The following MAN2B2 variants were observed in gnomAD, a reference collection of about 807,000 sequenced individuals.
MAN2B2 encodes the protein epididymis-specific alpha-mannosidase.
MAN2B2 carries 106 observed loss-of-function variants against 117.1 expected under a neutral mutation model. The ratio of observed to expected loss-of-function variants is 0.90; its 90% confidence interval spans 0.77 to 1.06. The LOEUF is 1.06. MAN2B2 is among the 50% of genes least tolerant of loss of function. The probability of loss-of-function intolerance (pLI) is 0.00; values close to 1 mark genes in which losing one functional copy is unlikely to be tolerated. For synonymous variants in MAN2B2, 544 were observed against 595.1 expected (o/e 0.91, Z 1.25); for missense variants, 1,326 against 1,381.4 (o/e 0.96, Z 0.64).
intron 10 of MAN2B2, 74 bp from the exon 11 acceptor site, chr4:6,604,981 G>A: frequency 2.7e-6 from 4 of 1,507,104 alleles, no homozygotes; most frequent in Non-Finnish European, 3.6e-6. Flanking sequence ...TGCTGCCTCA[G>A]CAAGTAGTGA....
At chr4:6,597,426 A>G in intron 8 of MAN2B2, 123 bp downstream of exon 8, 1 of 1,080,478 alleles carries the variant, frequency 9.3e-7, no homozygotes, top group Non-Finnish European at 1.3e-6. Context: ...CAGAGGGGAA[A>G]CTGAGGTTCC....
At chr4:6,575,466 T>G (rs1577266463) in intron 1 of MAN2B2, 118 bp downstream of exon 1, 1 of 693,862 alleles carries the variant, frequency 1.4e-6, no homozygotes, top group Non-Finnish European at 2.2e-6. Context: ...GCTCAGTGGG[T>G]TCAGGACCCC....
At position 6,609,935 on chromosome 4, in the gene MAN2B2, C is replaced by G; in HGVS notation, c.2144C>G (p.Ala715Gly). The G allele has an allele frequency of 6.2e-7, 1 of 1,614,202 alleles. No individual in the cohort carries two copies. Among genetic ancestry groups the G allele is most frequent in the Non-Finnish European group, 8.5e-7 (1 of 1,180,038 alleles). The change falls in exon 13 of 19, where the codon GCT (alanine) becomes GGT (glycine). Residue 715 changes from alanine to glycine, a missense_variant. By Grantham distance (60) the Ala-to-Gly change is moderately conservative (BLOSUM62 0). Coordinates refer to ENST00000285599, the MANE Select transcript of MAN2B2 (RefSeq NM_015274.3). Reference protein sequence around the residue: ...QAGPLELNREAVLRTSTNLNS... With the variant: ...QAGPLELNREGVLRTSTNLNS... Reference sequence around the variant, plus strand: ...GGCCCCCTGGAGCTGAACCGTGAGGCTGTCCTGAGGACCAGCACCAACCTA... The same window carrying G: ...GGCCCCCTGGAGCTGAACCGTGAGGGTGTCCTGAGGACCAGCACCAACCTA...
chr4:6,614,472 C>G (rs1479584937), intron 16 of MAN2B2, 117 bp downstream of exon 16: 4 of 1,263,588 alleles, frequency 3.2e-6, no homozygotes, highest in Non-Finnish European at 4.4e-6. Context: ...TGCAAGGTCA[C>G]CTGGTTTCTT....
intron 3 of MAN2B2, among the ~76,000 whole-genome samples, chr4:6,581,653 G>C (rs943360225): frequency 1.3e-5 from 2 of 151,436 alleles, no homozygotes; most frequent in Admixed American, 1.3e-4. Flanking sequence ...CCCCTGCCTC[G>C]AGGCAGGCCC....
Position 6,617,365 on chromosome 4 carries a change from C to G in MAN2B2, c.2702-15C>G, listed in dbSNP as rs1711932926. The G allele has an allele frequency of 1.2e-6, 2 of 1,610,824 alleles. No individual in the cohort carries two copies. The highest frequency in any genetic ancestry group is 1.7e-6 in the Non-Finnish European group (2 of 1,177,596). On this transcript the variant is annotated splice_polypyrimidine_tract_variant and intron_variant, in intron 16 of 18. Transcript: ENST00000285599. ...GATGAGGGTCTTCACTGCCACCTTC[C>G]TTCTGTCCCCAAAGGCCATCGAGGG...
chr4:6,578,927 A>T (rs972848614), intron 3 of MAN2B2, among the ~76,000 whole-genome samples: 1 of 151,622 alleles, frequency 6.6e-6, no homozygotes, highest in South Asian at 2.1e-4. Context: ...CATCACAATT[A>T]CCACCTTCAG....
At chr4:6,589,250 T>C (rs1266684827) in intron 5 of MAN2B2, 90 bp downstream of exon 5, 1 of 1,029,884 alleles carries the variant, frequency 9.7e-7, no homozygotes, top group Non-Finnish European at 1.5e-6. Context: ...TTTTGTTTAT[T>C]GGTTTTAAGA....
intron 15 of MAN2B2, among the ~76,000 whole-genome samples, chr4:6,612,430 T>C (rs1396754544): frequency 6.6e-6 from 1 of 152,114 alleles, no homozygotes; most frequent in Non-Finnish European, 1.5e-5. Flanking sequence ...TTAAGGTTCT[T>C]TGGAAGTAAC....
intron 11 of MAN2B2, among the ~76,000 whole-genome samples, chr4:6,607,551 G>A (rs866467635): frequency 6.6e-5 from 10 of 152,202 alleles, no homozygotes; most frequent in South Asian, 2.1e-4. Context: ...ATCGTAGCAC[G>A]TATCAGTACT....
intron 17 of MAN2B2, chr4:6,619,122 T>C (rs950370137): frequency 3.3e-5 from 5 of 152,190 alleles, no homozygotes; most frequent in African/African-American, 1.2e-4. Flanking sequence ...GGAAAGACCA[T>C]TGAGTTAGGA....
At chr4:6,593,383 C>T (rs191542867) in intron 6 of MAN2B2, 33 bp downstream of exon 6, 58 of 1,592,142 alleles carry the variant, frequency 3.6e-5, no homozygotes, top group Non-Finnish European at 4.7e-5. Flanking sequence ...GTGCCCTCAA[C>T]ACAGCCCAAG....
At chr4:6,617,337 G>T in intron 16 of MAN2B2, 43 bp from the exon 17 acceptor site, 3 of 1,527,490 alleles carry the variant, frequency 2.0e-6, no homozygotes, top group East Asian at 2.3e-5. Flanking sequence ...ATTGGGGTTG[G>T]TTGATGAGGG....
chr4:6,594,568 A>C lies in MAN2B2; in HGVS notation c.893A>C (p.Gln298Pro). Residue 298 changes from glutamine to proline, a missense_variant, in exon 7 of 19, where the codon CAG (glutamine) becomes CCG (proline). By Grantham distance (76) the Gln-to-Pro change is moderately conservative. Coordinates refer to ENST00000285599, the MANE Select transcript of MAN2B2 (RefSeq NM_015274.3). ...AAGCAGTTCTTCAATGCCTCGGTGC[A>C]GTTTGCCAACATGGACCCGCTGCTG... ...CDKQFFNASV[Q>P]FANMDPLLDH... is the part of the protein sequence containing the mutation. 1 of 1,613,598 alleles carries C rather than the reference A, an allele frequency of 6.2e-7. No individual in the cohort carries two copies. Among genetic ancestry groups the C allele is most frequent in the Non-Finnish European group, 8.5e-7 (1 of 1,180,026 alleles).
At position 6,622,637 on chromosome 4, in the gene MAN2B2, T is replaced by C. The variant is rs935014505; in HGVS notation, c.*1352T>C. 1 of 152,162 alleles carries C rather than the reference T, an allele frequency of 6.6e-6. No individual in the cohort carries two copies. The highest frequency in any genetic ancestry group is 1.5e-5 in the Non-Finnish European group (1 of 68,036). The allele number at this position is 152,162 out of a possible 1,614,324, so 9.4% of individuals were successfully genotyped here. A position where few individuals can be genotyped will look rare whatever the true frequency, so the allele number is the denominator to read the frequency against. ...TTTTAGTAGAGACGGGGATTCACCATGTTGGCCAGGCTGATCTGGAACTCC... is the reference window on the plus strand; with the variant it reads ...TTTTAGTAGAGACGGGGATTCACCACGTTGGCCAGGCTGATCTGGAACTCC... On this transcript the variant is annotated 3_prime_UTR_variant, in exon 19 of 19. Coordinates refer to ENST00000285599, the MANE Select transcript of MAN2B2 (RefSeq NM_015274.3).
chr4:6,617,271 G>C, intron 16 of MAN2B2, 109 bp from the exon 17 acceptor site: 1 of 776,610 alleles, frequency 1.3e-6, no homozygotes, highest in East Asian at 2.5e-5. Context: ...ATATCGAGGA[G>C]GTTACAGATA....
chr4:6,600,524 A>C (rs1560651684), intron 9 of MAN2B2, 99 bp from the exon 10 acceptor site: 2 of 1,428,138 alleles, frequency 1.4e-6, no homozygotes, highest in Non-Finnish European at 1.9e-6. Flanking sequence ...GCTGCATCTC[A>C]CCTACCTCAG....
Position 6,587,174 on chromosome 4 carries a change from T to C in MAN2B2, c.564+6T>C, listed in dbSNP as rs1405206132. On this transcript the variant is annotated splice_donor_region_variant and intron_variant, in intron 4 of 18. Coordinates refer to ENST00000285599, the MANE Select transcript of MAN2B2 (RefSeq NM_015274.3). ...CAGCCATGCAGGAGGCCCGGGTGAGTGGTGTGCCGCGTCTGCTGCCGCCCA... is the reference window on the plus strand; with the variant it reads ...CAGCCATGCAGGAGGCCCGGGTGAGCGGTGTGCCGCGTCTGCTGCCGCCCA... 2 of 1,609,760 alleles carry C rather than the reference T, an allele frequency of 1.2e-6. No individual in the cohort carries two copies. The highest frequency in any genetic ancestry group is 1.7e-6 in the Non-Finnish European group (2 of 1,177,688).
chr4:6,579,395 TCACCACCACCACCATCACCATCACCAC>T (rs1726328818), intron 3 of MAN2B2, among the ~76,000 whole-genome samples: 1 of 39,152 alleles, frequency 2.6e-5, no homozygotes, highest in Non-Finnish European at 4.8e-5. Flanking sequence ...CCCTTCACCA[TCACCACCACCACCATCACCATCACCAC>T]CACCATCACC....
Sources: allele counts gnomAD v4.1 joint callset (sites outside exome capture counted in the v4.1 genomes callset), GRCh38; gene constraint gnomAD v4.1.1; transcripts MANE v1.5; gene names NCBI Gene and HGNC (gene_info 2026-07-23, HGNC 2026-07-21).